DYRK1A: variants seen among roughly 807,000 people sequenced by gnomAD.
The protein encoded by DYRK1A is dual specificity tyrosine phosphorylation regulated kinase 1A, also known as dual specificity tyrosine-phosphorylation-regulated kinase 1A.
DYRK1A carries 9 observed loss-of-function variants against 79.7 expected under a neutral mutation model. The observed-to-expected ratio is 0.11, with a 90% confidence interval of 0.07 to 0.20. DYRK1A has a LOEUF of 0.20. Ranked by LOEUF, DYRK1A falls within the 10% of genes least tolerant of loss-of-function variation. DYRK1A has a pLI of 1.00. For synonymous variants in DYRK1A, 349 were observed against 329.7 expected (o/e 1.06, Z -0.63); for missense variants, 622 against 956.0 (o/e 0.65, Z 4.61).
intron 1 of DYRK1A, among the ~76,000 whole-genome samples, chr21:37,404,980 G>T (rs1391765464): frequency 3.3e-5 from 5 of 152,170 alleles, no homozygotes; most frequent in Non-Finnish European, 7.3e-5. Flanking sequence ...CATGATTCCA[G>T]AATACAGTTT....
chr21:37,416,779 TA>T (rs36017221), intron 1 of DYRK1A, among the ~76,000 whole-genome samples: 8,051 of 152,240 alleles, frequency 0.053, 259 homozygotes, highest in Middle Eastern at 0.13. Context: ...TCTTCTGAGT[TA>T]TCTTTTTAGA....
intron 1 of DYRK1A, among the ~76,000 whole-genome samples, chr21:37,382,725 C>G (rs915699888): frequency 2.0e-5 from 3 of 152,068 alleles, no homozygotes; most frequent in African/African-American, 4.8e-5. Context: ...CAGCCACTGG[C>G]CTACTGAATG....
chr21:37,381,581 G>A (rs2049659304), intron 1 of DYRK1A, among the ~76,000 whole-genome samples: 1 of 152,186 alleles, frequency 6.6e-6, no homozygotes, highest in South Asian at 2.1e-4. Context: ...TCATTCAGCA[G>A]TTATATCTGG....
At chr21:37,500,064 G>A (rs191124440) in intron 9 of DYRK1A, among the ~76,000 whole-genome samples, 14 of 152,146 alleles carry the variant, frequency 9.2e-5, no homozygotes, top group South Asian at 4.1e-4. Context: ...AACCCCCTGC[G>A]TATACTGAGG....
At chr21:37,405,153 G>A (rs1015695192) in intron 1 of DYRK1A, among the ~76,000 whole-genome samples, 1 of 152,074 alleles carries the variant, frequency 6.6e-6, no homozygotes, top group Non-Finnish European at 1.5e-5. Flanking sequence ...CGGCCTTTGG[G>A]TGAAGATGAG....
intron 9 of DYRK1A, among the ~76,000 whole-genome samples, chr21:37,500,737 G>C (rs1296303423): frequency 6.6e-6 from 1 of 151,820 alleles, no homozygotes; most frequent in Non-Finnish European, 1.5e-5. Context: ...TGTTGAATTT[G>C]TTGGCGTAAA....
chr21:37,463,878 CA>C (rs1347299634), intron 2 of DYRK1A, among the ~76,000 whole-genome samples: 1 of 152,210 alleles, frequency 6.6e-6, no homozygotes, highest in East Asian at 1.9e-4. Context: ...ACCTCAGCCT[CA>C]TAAGTTTCCA....
At chr21:37,439,080 GT>G (rs2051011417) in intron 2 of DYRK1A, among the ~76,000 whole-genome samples, 1 of 151,938 alleles carries the variant, frequency 6.6e-6, no homozygotes, top group Non-Finnish European at 1.5e-5. Flanking sequence ...TTAAATTTCA[GT>G]TTCTGATATA....
At chr21:37,404,726 C>G (rs2050117883) in intron 1 of DYRK1A, among the ~76,000 whole-genome samples, 1 of 152,130 alleles carries the variant, frequency 6.6e-6, no homozygotes, top group Non-Finnish European at 1.5e-5. Context: ...ACAGTTGGCG[C>G]AAATATTTTC....
chr21:37,478,404 C>T, intron 4 of DYRK1A, 104 bp downstream of exon 4: 4 of 857,514 alleles, frequency 4.7e-6, no homozygotes, highest in Non-Finnish European at 1.8e-6. Flanking sequence ...TAGTAGTTGT[C>T]ATATTGATGA....
At chr21:37,414,644 A>G (rs1005338476) in intron 1 of DYRK1A, among the ~76,000 whole-genome samples, 3 of 152,106 alleles carry the variant, frequency 2.0e-5, no homozygotes, top group African/African-American at 4.8e-5. Context: ...CTTTTAACCA[A>G]CTGTCTTAGA....
intron 3 of DYRK1A, among the ~76,000 whole-genome samples, chr21:37,475,298 C>G (rs2052357517): frequency 6.6e-6 from 1 of 152,146 alleles, no homozygotes; most frequent in South Asian, 2.1e-4. Context: ...CCTCTGAACA[C>G]CATGGACTTA....
chr21:37,455,565 G>A (rs1001869723), intron 2 of DYRK1A, among the ~76,000 whole-genome samples: 2 of 152,088 alleles, frequency 1.3e-5, no homozygotes, highest in African/African-American at 2.4e-5. Flanking sequence ...TCTGTCGTCC[G>A]TATTGAAACA....
rs1261756403 is a variant in DYRK1A, at chr21:37,478,189, T to C, written c.208-19T>C. 1 of 1,613,808 alleles carries C rather than the reference T, an allele frequency of 6.2e-7. No individual in the cohort carries two copies. Among genetic ancestry groups the C allele is most frequent in the East Asian group, 2.2e-5 (1 of 44,868 alleles). On this transcript the variant is annotated intron_variant, in intron 3 of 11. Coordinates refer to ENST00000647188, the MANE Select transcript of DYRK1A (RefSeq NM_001347721.2). ...TTTTCTGTCTATTTAAGGTGATGCC[T>C]GATATTGTCATGTTACAGAGGCGGA... is the stretch of plus-strand genomic sequence containing the variant.
At chr21:37,410,118 T>G (rs1465162937) in intron 1 of DYRK1A, among the ~76,000 whole-genome samples, 3 of 152,208 alleles carry the variant, frequency 2.0e-5, no homozygotes, top group Non-Finnish European at 1.5e-5. Context: ...GACTCATGCT[T>G]AAATAGACTG....
rs1327764169 is a variant in DYRK1A at position 37,518,758 on chromosome 21, G to A, written c.*6227G>A. 6.6e-6 allele frequency: 1 copy of A among 151,756 alleles called. No homozygotes were observed. Among genetic ancestry groups the A allele is most frequent in the Non-Finnish European group, 1.5e-5 (1 of 68,004 alleles). 9.4% of individuals were successfully genotyped at this position (151,756 alleles called of 1,614,324 possible). On this transcript the variant is annotated 3_prime_UTR_variant, in exon 12 of 12. Transcript: ENST00000647188. Reference sequence around the variant, plus strand: ...AGCCTTTCAAGTAGCTGGGATTACAGGTGCACACCACCACACCCAGCTAAT... The same window carrying A: ...AGCCTTTCAAGTAGCTGGGATTACAAGTGCACACCACCACACCCAGCTAAT...
intron 5 of DYRK1A, chr21:37,481,064 C>A: frequency 2.4e-6 from 1 of 417,822 alleles, no homozygotes; most frequent in Non-Finnish European, 4.2e-6. Flanking sequence ...TTACTAATGA[C>A]TGGTGAATTT....
In DYRK1A at chr21:37,516,804, G is replaced by A. The variant is rs1425301850; in HGVS notation, c.*4273G>A. 1 of 152,172 alleles carries A rather than the reference G, an allele frequency of 6.6e-6. No homozygotes were observed. The highest frequency in any genetic ancestry group is 1.5e-5 in the Non-Finnish European group (1 of 68,042). 9.4% of individuals were successfully genotyped at this position (152,172 alleles called of 1,614,324 possible). ...AAAAATAACACTACCTTAACACTGA[G>A]ACTGTCAGGTATTTGTCAGTATTTA... is the stretch of plus-strand genomic sequence containing the variant. On this transcript the variant is annotated 3_prime_UTR_variant, in exon 12 of 12. Transcript: ENST00000647188.
chr21:37,384,123 A>G (rs976791987), intron 1 of DYRK1A, among the ~76,000 whole-genome samples: 2 of 152,152 alleles, frequency 1.3e-5, no homozygotes, highest in African/African-American at 4.8e-5. Context: ...GGGATCCCAG[A>G]TAAAGCCACG....
Sources: allele counts gnomAD v4.1 joint callset (sites outside exome capture counted in the v4.1 genomes callset), GRCh38; gene constraint gnomAD v4.1.1; transcripts MANE v1.5; gene names NCBI Gene and HGNC (gene_info 2026-07-23, HGNC 2026-07-21).